ANKRD54: variants seen among roughly 807,000 people sequenced by gnomAD.
The protein encoded by ANKRD54 is ankyrin repeat domain-containing protein 54.
A neutral mutation model predicts 36.2 loss-of-function variants in ANKRD54; 26 were observed. That is an observed-to-expected ratio of 0.72 (90% CI 0.53 to 1.00). ANKRD54 has a LOEUF of 1.00. Ranked by LOEUF, ANKRD54 falls within the 50% of genes least tolerant of loss-of-function variation. ANKRD54 has a pLI of 0.00. For missense variants in ANKRD54, 384 were observed against 424.3 expected (o/e 0.91, Z 0.83); for synonymous variants, 209 against 188.4 (o/e 1.11, Z -0.89).
chr22:37,832,349 T>G (rs563400219), intron 7 of ANKRD54, among the ~76,000 whole-genome samples: 30 of 151,850 alleles, frequency 2.0e-4, no homozygotes, highest in Middle Eastern at 3.4e-3. Context: ...TTTTTTTTTG[T>G]TGTTTTTATA....
chr22:37,841,558 A>AC (rs57521854), intron 1 of ANKRD54, among the ~76,000 whole-genome samples: 45 of 129,400 alleles, frequency 3.5e-4, no homozygotes, highest in African/African-American at 1.1e-3. Context: ...ACACACACAC[A>AC]AAAAACATAG....
At chr22:37,845,525 T>A (rs79828943), upstream of ANKRD54, among the ~76,000 whole-genome samples, 408 of 152,326 alleles carry the variant, frequency 2.7e-3, 2 homozygotes, top group Middle Eastern at 6.8e-3. Flanking sequence ...GGACCAGGTC[T>A]TGTGTCCTGG....
At chr22:37,836,050 G>A (rs1467597386) in intron 3 of ANKRD54, among the ~76,000 whole-genome samples, 1 of 151,682 alleles carries the variant, frequency 6.6e-6, no homozygotes, top group African/African-American at 2.4e-5. Flanking sequence ...TAGCCAGGAT[G>A]GTCTCGATCT....
At chr22:37,833,352 G>T in intron 4 of ANKRD54, 146 bp from the exon 5 acceptor site, 1 of 993,476 alleles carries the variant, frequency 1.0e-6, no homozygotes, top group Non-Finnish European at 1.5e-6. Context: ...CAGCTAGGTA[G>T]GACTCAGAAG....
chr22:37,840,130 T>C (rs1924038718), intron 2 of ANKRD54, 57 bp downstream of exon 2: 2 of 1,607,406 alleles, frequency 1.2e-6, no homozygotes, highest in Admixed American at 3.3e-5. Flanking sequence ...TACCTGGCCT[T>C]TTCCTTCCCC....
At position 37,843,970 on chromosome 22, in the gene ANKRD54, C is replaced by A; in HGVS notation, c.269G>T (p.Arg90Leu). 6 of 1,412,266 alleles carry A rather than the reference C, an allele frequency of 4.2e-6. No individual in the cohort carries two copies. The highest frequency in any genetic ancestry group is 5.5e-6 in the Non-Finnish European group (6 of 1,085,562). 87.5% of individuals were successfully genotyped at this position (1,412,266 alleles called of 1,614,324 possible). Residue 90 changes from arginine (R) to leucine (L), a missense_variant, in exon 1 of 8, where the codon CGG (arginine) becomes CTG (leucine). Around this residue, in one of 3 missense-constraint regions of ANKRD54, gnomAD observed 195 missense variants for 177.7 expected, o/e 1.10. Coordinates refer to ENST00000215941, the MANE Select transcript of ANKRD54 (RefSeq NM_138797.4). The part of the protein sequence containing the change: ...DELRCKIPAG[R>L]LRRAARPHRR... Reference sequence around the variant, plus strand: ...GTGGGGCCTGGCAGCGCGCCTCAGCCGGCCAGCGGGTATCTTGCAGCGCAG... The same window carrying A: ...GTGGGGCCTGGCAGCGCGCCTCAGCAGGCCAGCGGGTATCTTGCAGCGCAG...
At chr22:37,847,364 G>A (rs1056004224), upstream of ANKRD54, among the ~76,000 whole-genome samples, 3 of 151,342 alleles carry the variant, frequency 2.0e-5, no homozygotes, top group South Asian at 2.1e-4. Context: ...GTTTCACTAT[G>A]TTGGCCAGGC....
chr22:37,837,393 A>G (rs1923685293), intron 3 of ANKRD54, among the ~76,000 whole-genome samples: 1 of 152,220 alleles, frequency 6.6e-6, no homozygotes, highest in Non-Finnish European at 1.5e-5. Flanking sequence ...TAAAACCTGG[A>G]AACACCACAA....
upstream of ANKRD54, among the ~76,000 whole-genome samples, chr22:37,846,481 A>AT (rs986728043): frequency 1.3e-5 from 2 of 151,622 alleles, no homozygotes; most frequent in African/African-American, 4.8e-5. Flanking sequence ...TATTTTTTTG[A>AT]TTTTTTGTAG....
chr22:37,834,419 C>A (rs1185586235), intron 3 of ANKRD54: 1 of 152,190 alleles, frequency 6.6e-6, no homozygotes, highest in Non-Finnish European at 1.5e-5. Context: ...AAAGGCCAGG[C>A]ATGGGAGCTC....
At chr22:37,840,545 T>G (rs1924099984) in intron 1 of ANKRD54, among the ~76,000 whole-genome samples, 1 of 150,402 alleles carries the variant, frequency 6.6e-6, no homozygotes, top group Non-Finnish European at 1.5e-5. Flanking sequence ...GGTGACAGAG[T>G]GAGACTCCGT....
intron 4 of ANKRD54, 147 bp downstream of exon 4, chr22:37,833,537 T>C: frequency 3.4e-6 from 3 of 881,060 alleles, no homozygotes; most frequent in Non-Finnish European, 5.3e-6. Context: ...CACAGGCTGC[T>C]GGGCAGTGCA....
intron 3 of ANKRD54, 26 bp downstream of exon 3, chr22:37,838,474 C>T: frequency 6.3e-7 from 1 of 1,595,014 alleles, no homozygotes; most frequent in Non-Finnish European, 8.5e-7. Context: ...CCTAGCCCTA[C>T]TCCCTCCTCC....
chr22:37,843,192 G>A (rs1348933050), intron 1 of ANKRD54, among the ~76,000 whole-genome samples: 7 of 152,214 alleles, frequency 4.6e-5, no homozygotes, highest in African/African-American at 1.4e-4. Context: ...GGAGGCCGAG[G>A]TGGGTGGATC....
At position 37,831,735 on chromosome 22, in the gene ANKRD54, C is replaced by T. The variant is rs1395561187; in HGVS notation, c.*208G>A. 12 of 582,586 alleles carry T rather than the reference C, an allele frequency of 2.1e-5. No individual in the cohort carries two copies. Among genetic ancestry groups the T allele is most frequent in the Middle Eastern group, 4.2e-4 (1 of 2,368 alleles). 36.1% of individuals were successfully genotyped at this position (582,586 alleles called of 1,614,324 possible). On this transcript the variant is annotated 3_prime_UTR_variant, in exon 8 of 8. Coordinates refer to ENST00000215941, the MANE Select transcript of ANKRD54 (RefSeq NM_138797.4). ...TGGAAGAAGCTGGGAGCTGTGGTCC[C>T]TGTCCACAGAGATGCTGGAAACTGT...
intron 3 of ANKRD54, among the ~76,000 whole-genome samples, chr22:37,834,911 T>C (rs1012834029): frequency 1.3e-5 from 2 of 151,036 alleles, no homozygotes; most frequent in Non-Finnish European, 1.5e-5. Context: ...ACACAAAAAT[T>C]AGCTGGGTGT....
chr22:37,840,322 G>A (rs7291693), intron 1 of ANKRD54, 88 bp from the exon 2 acceptor site: 30 of 1,383,034 alleles, frequency 2.2e-5, no homozygotes, highest in Admixed American at 3.4e-5. Flanking sequence ...ACTCTGGGAG[G>A]CCAAGGCAGG....
chr22:37,836,314 C>T (rs900560967), intron 3 of ANKRD54, among the ~76,000 whole-genome samples: 2 of 150,292 alleles, frequency 1.3e-5, no homozygotes, highest in African/African-American at 2.4e-5. Context: ...GGCGTAGTGG[C>T]GCATGCCTGT....
Position 37,833,709 on chromosome 22 carries a change from C to T in ANKRD54, c.522G>A (p.Gly174=), listed in dbSNP as rs1165438971. The T allele has an allele frequency of 6.2e-7, 1 of 1,614,034 alleles. No individual in the cohort carries two copies. The highest frequency in any genetic ancestry group is 8.5e-7 in the Non-Finnish European group (1 of 1,180,026). The change falls in exon 4 of 8, where the codon GGG becomes GGA. Residue 174 remains glycine (G), a synonymous_variant. Transcript: ENST00000215941. Reference sequence around the variant, plus strand: ...CCAGGTGCAGTGGCGTGTTCCCCAGCCCATCTCGCTGGTTAGGATCAGCAC... The same window carrying T: ...CCAGGTGCAGTGGCGTGTTCCCCAGTCCATCTCGCTGGTTAGGATCAGCAC... ...DHGADPNQRD[G]LGNTPLHLAA...
Sources: gnomAD v4.1 joint callset for allele counts (sites outside exome capture counted in the v4.1 genomes callset) on GRCh38, gnomAD v4.1.1 for gene constraint, gnomAD v4.1.1 regional missense constraint, MANE v1.5 for transcripts, NCBI Gene and HGNC (gene_info 2026-07-23, HGNC 2026-07-21) for gene names.